The following PLOD2 variants were observed in gnomAD, a reference collection of about 807,000 sequenced individuals.
PLOD2 encodes the protein lysine hydroxylase 2.
In PLOD2, 65 loss-of-function variants were observed where a neutral mutation model predicts 101.0. The ratio of observed to expected loss-of-function variants is 0.64; its 90% CI spans 0.53 to 0.79. The LOEUF (loss-of-function observed/expected upper bound fraction) is 0.79. Among genes scored for constraint, PLOD2 ranks in the 30% least tolerant of loss-of-function variants. The pLI, the probability that PLOD2 is intolerant of heterozygous loss-of-function variation, is 0.00. For missense variants in PLOD2, 909 were observed against 914.6 expected, an observed-to-expected ratio of 0.99 and a Z score of 0.08; for synonymous variants, 314 against 302.9, an observed-to-expected ratio of 1.04 and a Z score of -0.38.
At chr3:146,109,796 T>C (rs1434464761) in intron 4 of PLOD2, among the ~76,000 whole-genome samples, 1 of 152,226 alleles carries the variant, frequency 6.6e-6, no homozygotes, top group Non-Finnish European at 1.5e-5. Context: ...AGACACTCAA[T>C]GTTAGATATT....
intron 1 of PLOD2, among the ~76,000 whole-genome samples, chr3:146,131,316 T>C (rs1298283085): frequency 1.3e-5 from 2 of 152,210 alleles, no homozygotes; most frequent in Non-Finnish European, 2.9e-5. Flanking sequence ...TACAACCATA[T>C]GCTGAATCCT....
chr3:146,082,181 G>C (rs1194932147), intron 11 of PLOD2, among the ~76,000 whole-genome samples: 1 of 152,064 alleles, frequency 6.6e-6, no homozygotes, highest in Non-Finnish European at 1.5e-5. Context: ...AACTACTTTA[G>C]TTATTTAATT....
At position 146,085,445 on chromosome 3, in the gene PLOD2, A is replaced by G. The variant is rs549170206; in HGVS notation, c.1128-172T>C. 1.3e-4 allele frequency: 78 copies of G among 598,694 alleles called. No individual in the cohort carries two copies. The African/African-American group carries it at 1.4e-3, about 11-fold the overall frequency. The allele number at this position is 598,694 out of a possible 1,614,324, so 37.1% of individuals were successfully genotyped here. ...TATATATATTGTCTTAAATTTCAAA[A>G]TGGTCAATTTAACACGGATATTCAC... is the stretch of plus-strand genomic sequence containing the variant. On this transcript the variant is annotated intron_variant, in intron 10 of 19. Coordinates refer to ENST00000282903, the MANE Select transcript of PLOD2 (RefSeq NM_182943.3).
intron 1 of PLOD2, among the ~76,000 whole-genome samples, chr3:146,157,035 C>T (rs557195733): frequency 6.6e-6 from 1 of 152,288 alleles, no homozygotes; most frequent in South Asian, 2.1e-4. Context: ...AAACATGGTT[C>T]AGAAACAAGG....
rs1252359234 is a variant in PLOD2 at position 146,091,800 on chromosome 3, A to G, written c.879T>C (p.Asp293=). ...EFDTVDLSAV[D]VHPNVSIGVF... ...TTCACACATAATCAATTCCACTTAC[A>G]TCTACTGCAGACAAGTCGACTGTAT... Residue 293 remains aspartate (D), a splice_region_variant and synonymous_variant, in exon 8 of 20, where the codon GAT becomes GAC. Transcript: ENST00000282903. 2.6e-6 allele frequency: 4 copies of G among 1,512,766 alleles called. No individual in the cohort carries two copies. The highest frequency in any genetic ancestry group is 3.7e-6 in the Non-Finnish European group (4 of 1,087,850). The allele number at this position is 1,512,766 out of a possible 1,614,324, so 93.7% of individuals were successfully genotyped here.
intron 15 of PLOD2, among the ~76,000 whole-genome samples, chr3:146,073,888 A>T (rs2107996097): frequency 6.6e-6 from 1 of 151,740 alleles, no homozygotes; most frequent in East Asian, 1.9e-4. Context: ...GGTCTGTCTT[A>T]TATGTCTATA....
At chr3:146,159,657 T>C (rs975820796) in intron 1 of PLOD2, among the ~76,000 whole-genome samples, 2 of 152,240 alleles carry the variant, frequency 1.3e-5, no homozygotes, top group Non-Finnish European at 2.9e-5. Context: ...ATTTTTAAAT[T>C]ATGCAAAAGT....
intron 1 of PLOD2, among the ~76,000 whole-genome samples, chr3:146,160,419 G>A (rs928934565): frequency 5.9e-5 from 9 of 152,172 alleles, no homozygotes; most frequent in Non-Finnish European, 7.3e-5. Flanking sequence ...GCAAGAGGGA[G>A]GTGTTACCGG....
At chr3:146,128,560 T>C (rs187762251) in intron 1 of PLOD2, among the ~76,000 whole-genome samples, 466 of 152,248 alleles carry the variant, frequency 3.1e-3, no homozygotes, top group African/African-American at 0.011. Flanking sequence ...ATTTAATAAA[T>C]ATTTGTTAAA....
At chr3:146,143,991 C>T (rs2031651493) in intron 1 of PLOD2, among the ~76,000 whole-genome samples, 1 of 152,010 alleles carries the variant, frequency 6.6e-6, no homozygotes, top group Non-Finnish European at 1.5e-5. Context: ...ACATCAAACA[C>T]ATCCTCAGCT....
chr3:146,149,287 G>A (rs957725132), intron 1 of PLOD2, among the ~76,000 whole-genome samples: 1 of 152,046 alleles, frequency 6.6e-6, no homozygotes, highest in African/African-American at 2.4e-5. Flanking sequence ...TTAAGTGTGG[G>A]ATATTCTGAG....
intron 1 of PLOD2, among the ~76,000 whole-genome samples, chr3:146,139,385 A>C (rs1292863888): frequency 1.3e-5 from 2 of 152,292 alleles, no homozygotes; most frequent in East Asian, 3.9e-4. Context: ...ATAAAATTTT[A>C]AGAAATGTTT....
intron 1 of PLOD2, among the ~76,000 whole-genome samples, chr3:146,153,338 T>C (rs1359511849): frequency 6.6e-6 from 1 of 152,178 alleles, no homozygotes; most frequent in Non-Finnish European, 1.5e-5. Context: ...GTTTAGTACA[T>C]TGCTAGAAAC....
chr3:146,111,844 A>T (rs62272366), intron 3 of PLOD2, among the ~76,000 whole-genome samples: 1 of 124,216 alleles, frequency 8.1e-6, no homozygotes, highest in Admixed American at 8.2e-5. Context: ...AGTTGTTGAT[A>T]ATTTTTTTTT....
intron 1 of PLOD2, among the ~76,000 whole-genome samples, chr3:146,124,824 T>C (rs2030455856): frequency 6.6e-6 from 1 of 152,186 alleles, no homozygotes; most frequent in South Asian, 2.1e-4. Flanking sequence ...TATTGTGTTT[T>C]GGTTTCTCTT....
Position 146,088,586 on chromosome 3 carries a change from T to C in PLOD2, c.1005A>G (p.Lys335=). 1.9e-6 allele frequency: 3 copies of C among 1,556,322 alleles called. No homozygotes were observed. The highest frequency in any genetic ancestry group is 2.7e-6 in the Non-Finnish European group (3 of 1,129,090). ...KEALKLFIHN[K]EVYHEKDIKV... ...AAATATTCATTTCTCAAATACTTAC[T>C]TTGTTATGAATAAAAAGTTTAAGTG... Residue 335 remains lysine (K), a splice_region_variant and synonymous_variant, in exon 9 of 20, where the codon AAA becomes AAG. Coordinates refer to ENST00000282903, the MANE Select transcript of PLOD2 (RefSeq NM_182943.3).
chr3:146,135,914 A>C (rs975644107), intron 1 of PLOD2, among the ~76,000 whole-genome samples: 1 of 152,186 alleles, frequency 6.6e-6, no homozygotes, highest in African/African-American at 2.4e-5. Flanking sequence ...TAAATATCAA[A>C]AAACTGCAAT....
chr3:146,121,332 G>C, intron 2 of PLOD2, 84 bp from the exon 3 acceptor site: 1 of 1,104,950 alleles, frequency 9.1e-7, no homozygotes, highest in Non-Finnish European at 1.4e-6. Context: ...TCATCAACTT[G>C]AACAGTACTG....
intron 8 of PLOD2, among the ~76,000 whole-genome samples, chr3:146,091,468 A>G (rs1216761978): frequency 6.6e-6 from 1 of 151,954 alleles, no homozygotes; most frequent in Non-Finnish European, 1.5e-5. Context: ...AAATTAGTCA[A>G]TAAAAATGCT....
Sources: gnomAD v4.1 joint callset for allele counts (sites outside exome capture counted in the v4.1 genomes callset) on GRCh38, gnomAD v4.1.1 for gene constraint, MANE v1.5 for transcripts, NCBI Gene and HGNC (gene_info 2026-07-23, HGNC 2026-07-21) for gene names.